Variants in RYR3 observed in about 807,000 individuals in gnomAD.
The protein encoded by RYR3 is ryanodine receptor 3, also known as brain ryanodine receptor-calcium release channel.
Under a neutral mutation model 584.3 loss-of-function variants are expected in RYR3, and 207 were observed. That is an observed-to-expected ratio of 0.35 (90% CI 0.32 to 0.40). The LOEUF (loss-of-function observed/expected upper bound fraction) is 0.40, where lower values mean the gene tolerates loss of function less well. Ranked by LOEUF, RYR3 falls within the 10% of genes least tolerant of loss-of-function variation. The probability of loss-of-function intolerance (pLI) is 1.00; values close to 1 mark genes in which losing one functional copy is unlikely to be tolerated. For synonymous variants in RYR3, 2,416 were observed against 2,248.5 expected (o/e 1.07, Z -2.11); for missense variants, 5,616 against 6,089.2 (o/e 0.92, Z 2.59).
intron 1 of RYR3, among the ~76,000 whole-genome samples, chr15:33,411,969 C>T (rs1312282729): frequency 1.3e-5 from 2 of 152,090 alleles, no homozygotes; most frequent in African/African-American, 2.4e-5. Flanking sequence ...CCAAGTTAAC[C>T]CCCAAGAAAG....
At position 33,707,010 on chromosome 15, in the gene RYR3, G is replaced by C; in HGVS notation, c.6575G>C (p.Gly2192Ala). ...YPDVGWNPIEGERYLSFLRFA... is the reference protein window; with the variant it reads ...YPDVGWNPIEAERYLSFLRFA... Reference sequence around the variant, plus strand: ...GATGTCGGCTGGAACCCCATTGAAGGGGAACGCTACCTGTCCTTCCTGAGG... The same window carrying C: ...GATGTCGGCTGGAACCCCATTGAAGCGGAACGCTACCTGTCCTTCCTGAGG... Residue 2192 changes from glycine to alanine, a missense_variant, in exon 43 of 104, where the codon GGG becomes GCG. Gly to Ala is a moderately conservative substitution (Grantham distance 60, BLOSUM62 0). Coordinates refer to ENST00000634891, the MANE Select transcript of RYR3 (RefSeq NM_001036.6). The C allele has an allele frequency of 6.2e-7, 1 of 1,614,016 alleles. No homozygotes were observed. The highest frequency in any genetic ancestry group is 1.1e-5 in the South Asian group (1 of 91,048).
chr15:33,563,872 C>G (rs1031643282), intron 11 of RYR3, among the ~76,000 whole-genome samples: 9 of 152,064 alleles, frequency 5.9e-5, no homozygotes, highest in African/African-American at 2.2e-4. Context: ...ATGAAATGAT[C>G]AAGAGGGGAT....
intron 24 of RYR3, 107 bp downstream of exon 24, chr15:33,633,215 A>T: frequency 8.9e-7 from 1 of 1,121,106 alleles, no homozygotes; most frequent in Non-Finnish European, 1.3e-6. Flanking sequence ...TTGCCTTTGC[A>T]CTCTATCCCT....
intron 1 of RYR3, among the ~76,000 whole-genome samples, chr15:33,386,927 A>G (rs946065443): frequency 1.3e-5 from 2 of 151,786 alleles, no homozygotes; most frequent in African/African-American, 4.8e-5. Flanking sequence ...GCACAATCTC[A>G]GCTCACTGCA....
At chr15:33,759,352 C>G (rs2072197739) in intron 60 of RYR3, among the ~76,000 whole-genome samples, 2 of 152,126 alleles carry the variant, frequency 1.3e-5, no homozygotes, top group South Asian at 2.1e-4. Context: ...CTCCTCTGAC[C>G]TAAAGGAGCA....
At chr15:33,530,460 T>C in intron 3 of RYR3, 132 bp from the exon 4 acceptor site, 1 of 656,748 alleles carries the variant, frequency 1.5e-6, no homozygotes. Context: ...CACTTGCTTC[T>C]GGAATGAATT....
chr15:33,853,745 T>C lies in RYR3; in HGVS notation c.13799+63T>C, dbSNP rs567723978. The C allele has an allele frequency of 1.4e-4, 221 of 1,559,938 alleles. No homozygotes were observed. In the Middle Eastern group the frequency reaches 5.4e-3, roughly 38 times the overall value. On this transcript the variant is annotated intron_variant, in intron 96 of 103. Transcript: ENST00000634891. ...AAATAGATAGATCTTTGCTTTTCCA[T>C]AGGAAAAAATCACAACCGTGTCTTT...
intron 40 of RYR3, among the ~76,000 whole-genome samples, chr15:33,698,227 GC>G (rs2066001257): frequency 6.6e-6 from 1 of 152,198 alleles, no homozygotes; most frequent in Non-Finnish European, 1.5e-5. Context: ...ATCCCACTGG[GC>G]TATTCAGTTG....
chr15:33,547,426 G>T (rs1378270937), intron 8 of RYR3, among the ~76,000 whole-genome samples: 1 of 152,138 alleles, frequency 6.6e-6, no homozygotes, highest in East Asian at 1.9e-4. Context: ...ACTCGTGTTG[G>T]TTTCTCAGTT....
Position 33,701,032 on chromosome 15 carries a change from G to A in RYR3, c.6435G>A (p.Met2145Ile). 1 of 1,613,536 alleles carries A rather than the reference G, an allele frequency of 6.2e-7. No individual in the cohort carries two copies. Among genetic ancestry groups the A allele is most frequent in the Non-Finnish European group, 8.5e-7 (1 of 1,179,752 alleles). Residue 2145 changes from methionine to isoleucine, a missense_variant, in exon 42 of 104, where the codon ATG becomes ATA. Around this residue, in one of 9 missense-constraint regions of RYR3, gnomAD observed 1,280 missense variants for 1,426.2 expected, o/e 0.90. Coordinates refer to ENST00000634891, the MANE Select transcript of RYR3 (RefSeq NM_001036.6). The part of the protein sequence containing the change: ...TPLDVAASSV[M>I]DNNELALSLE... ...TGGATGTGGCAGCTTCCTCTGTGAT[G>A]GACAACAATGAGTTAGCGCTGAGCT...
intron 1 of RYR3, among the ~76,000 whole-genome samples, chr15:33,465,180 C>T (rs11852613): frequency 0.11 from 16,763 of 151,956 alleles, 2,296 homozygotes; most frequent in African/African-American, 0.32. Context: ...TTGGCTATTG[C>T]GAATGTGCTG....
intron 1 of RYR3, among the ~76,000 whole-genome samples, chr15:33,371,976 A>G (rs1259425631): frequency 6.6e-6 from 1 of 152,234 alleles, no homozygotes; most frequent in East Asian, 1.9e-4. Context: ...GAAGGCCTCA[A>G]CTGAAGATTA....
intron 18 of RYR3, among the ~76,000 whole-genome samples, chr15:33,611,118 A>AT (rs981838543): frequency 1.4e-4 from 21 of 152,152 alleles, no homozygotes; most frequent in Admixed American, 5.2e-4. Context: ...TCAGGTGGGG[A>AT]TTTTTTTAAA....
chr15:33,642,292 G>A (rs2061874400), intron 27 of RYR3, among the ~76,000 whole-genome samples: 1 of 152,186 alleles, frequency 6.6e-6, no homozygotes, highest in Non-Finnish European at 1.5e-5. Context: ...GGTTCATGGA[G>A]AATGGAATAG....
chr15:33,862,183 C>T (rs1567361336), intron 102 of RYR3, among the ~76,000 whole-genome samples: 1 of 151,236 alleles, frequency 6.6e-6, no homozygotes, highest in Non-Finnish European at 1.5e-5. Flanking sequence ...TAGCTCTTCC[C>T]CCTTCTCTCT....
intron 52 of RYR3, among the ~76,000 whole-genome samples, chr15:33,743,285 T>C (rs1277653585): frequency 6.6e-6 from 1 of 152,184 alleles, no homozygotes; most frequent in African/African-American, 2.4e-5. Flanking sequence ...GCTATCATTG[T>C]AACTGTAGAA....
intron 43 of RYR3, among the ~76,000 whole-genome samples, chr15:33,712,173 C>A (rs1160987927): frequency 6.6e-6 from 1 of 152,102 alleles, no homozygotes; most frequent in Non-Finnish European, 1.5e-5. Flanking sequence ...TTTTAAATGG[C>A]CAGATCTCTT....
intron 14 of RYR3, among the ~76,000 whole-genome samples, chr15:33,582,375 G>A (rs113738804): frequency 0.013 from 2,044 of 152,224 alleles, 40 homozygotes; most frequent in African/African-American, 0.047. Flanking sequence ...GGCCAGAATG[G>A]AGCCCAGAGA....
chr15:33,726,622 A>G (rs2068482799), intron 46 of RYR3, 116 bp downstream of exon 46: 1 of 1,079,534 alleles, frequency 9.3e-7, no homozygotes, highest in African/African-American at 1.6e-5. Flanking sequence ...CGGGCTGCAC[A>G]GGGCAAGTGT....
Sources: gnomAD v4.1 joint callset for allele counts (sites outside exome capture counted in the v4.1 genomes callset) on GRCh38, gnomAD v4.1.1 for gene constraint, gnomAD v4.1.1 regional missense constraint, MANE v1.5 for transcripts, NCBI Gene and HGNC (gene_info 2026-07-23, HGNC 2026-07-21) for gene names.